CHRNB3: variants seen among roughly 807,000 people sequenced by gnomAD.
CHRNB3 encodes cholinergic receptor nicotinic beta 3 subunit, also known as neuronal acetylcholine receptor subunit beta-3.
Under a neutral mutation model 40.6 loss-of-function variants are expected in CHRNB3, and 37 were observed. The ratio of observed to expected loss-of-function variants is 0.91; its 90% confidence interval spans 0.70 to 1.20. The LOEUF (loss-of-function observed/expected upper bound fraction) is 1.20, where lower values mean the gene tolerates loss of function less well. Among genes scored for constraint, CHRNB3 ranks in the 50% most tolerant of loss-of-function variants. The pLI is 0.00. For synonymous variants in CHRNB3, 207 were observed against 207.1 expected (o/e 1.00, Z 0.00); for missense variants, 505 against 551.2 (o/e 0.92, Z 0.84).
intron 3 of CHRNB3, among the ~76,000 whole-genome samples, chr8:42,717,819 CT>C (rs71550406): frequency 0.028 from 2,797 of 100,296 alleles, 25 homozygotes; most frequent in African/African-American, 0.066. Context: ...CTTTCTCATC[CT>C]TTTTTTTTTT....
intron 1 of CHRNB3, among the ~76,000 whole-genome samples, chr8:42,703,009 TA>T (rs1815843539): frequency 1.3e-5 from 2 of 152,276 alleles, no homozygotes; most frequent in Middle Eastern, 3.4e-3. Flanking sequence ...TCTTCACCTG[TA>T]AAACAAGGGG....
intron 1 of CHRNB3, among the ~76,000 whole-genome samples, chr8:42,703,435 A>AAAAATATATATAT: frequency 1.1e-4 from 5 of 47,408 alleles, no homozygotes; most frequent in Admixed American, 4.6e-4. Flanking sequence ...AAAAAAAAAA[A>AAAAATATATATAT]ATATTTATAT....
chr8:42,707,599 G>A (rs766196127), intron 1 of CHRNB3, among the ~76,000 whole-genome samples: 115 of 152,274 alleles, frequency 7.6e-4, no homozygotes, highest in Non-Finnish European at 1.6e-3. Flanking sequence ...TGATAGCACG[G>A]CATTGTAAGG....
intron 3 of CHRNB3, among the ~76,000 whole-genome samples, chr8:42,724,291 C>A (rs969034020): frequency 9.2e-5 from 14 of 152,048 alleles, no homozygotes; most frequent in South Asian, 2.1e-4. Context: ...TTTACAAAAA[C>A]CCCCAACACC....
chr8:42,703,891 C>T (rs1302772177), intron 1 of CHRNB3, among the ~76,000 whole-genome samples: 1 of 152,170 alleles, frequency 6.6e-6, no homozygotes, highest in Non-Finnish European at 1.5e-5. Context: ...CCAGGCTTGT[C>T]CTCTAAGTCT....
At chr8:42,723,797 T>C (rs1385245659) in intron 3 of CHRNB3, among the ~76,000 whole-genome samples, 1 of 152,176 alleles carries the variant, frequency 6.6e-6, no homozygotes, top group Non-Finnish European at 1.5e-5. Context: ...ATATTTATTA[T>C]ATTTTAGTCC....
At chr8:42,704,649 TC>T (rs1362680255) in intron 1 of CHRNB3, among the ~76,000 whole-genome samples, 2 of 152,248 alleles carry the variant, frequency 1.3e-5, no homozygotes, top group Admixed American at 1.3e-4. Context: ...TGTCCAAAAT[TC>T]TCCCGGCTCA....
rs73675434 is a variant in CHRNB3, at chr8:42,711,065, G to A, written c.249+631G>A. Among the ~76,000 whole-genome samples, 337 of 152,318 alleles carry A rather than the reference G, an allele frequency of 2.2e-3. 2 individuals carry two copies. The highest frequency in any genetic ancestry group is 7.5e-3 in the African/African-American group (312 of 41,566). On this transcript the variant is annotated intron_variant, in intron 3 of 5. Transcript: ENST00000289957. ...TAGAGCTTATTTCCTAAAGTCAGGG[G>A]AGTGTGCCCAAAGGAGTTTGTTCTA...
Position 42,715,976 on chromosome 8 carries a change from C to CCTTTTTTTTTTTTTTTTTTTTTT in CHRNB3, c.249+5542_249+5543insCTTTTTTTTTTTTTTTTTTTTTT, listed in dbSNP as rs1554590400. Among the ~76,000 whole-genome samples the CCTTTTTTTTTTTTTTTTTTTTTT allele has an allele frequency of 2.4e-5, 3 of 124,176 alleles. 1 individual carries two copies. The highest frequency in any genetic ancestry group is 3.3e-5 in the Non-Finnish European group (2 of 59,800). The allele number at this position is 124,176 out of a possible 152,430, so 81.5% of individuals were successfully genotyped here. A position where few individuals can be genotyped will look rare whatever the true frequency, so the allele number is the denominator to read the frequency against. ...TAGAGACAATGAAAATTAAACTGAC[C>CCTTTTTTTTTTTTTTTTTTTTTT]TTTTTTTTTTTTTTTTTTTTGAGAT... On this transcript the variant is annotated intron_variant, in intron 3 of 5. Transcript: ENST00000289957.
chr8:42,724,822 T>C (rs1435925397), intron 3 of CHRNB3, among the ~76,000 whole-genome samples: 1 of 150,908 alleles, frequency 6.6e-6, no homozygotes, highest in Non-Finnish European at 1.5e-5. Flanking sequence ...CTACTAAAAA[T>C]ACAAAAAAAA....
intron 3 of CHRNB3, among the ~76,000 whole-genome samples, chr8:42,724,522 C>G (rs1478317448): frequency 6.6e-6 from 1 of 152,068 alleles, no homozygotes; most frequent in Non-Finnish European, 1.5e-5. Context: ...TCAATTATGT[C>G]CCTGGGGTTG....
At chr8:42,706,789 C>T (rs1396210257) in intron 1 of CHRNB3, among the ~76,000 whole-genome samples, 1 of 152,060 alleles carries the variant, frequency 6.6e-6, no homozygotes, top group Non-Finnish European at 1.5e-5. Flanking sequence ...GAGACAGGGT[C>T]TTGCTCTGTC....
chr8:42,724,413 T>A (rs989021670), intron 3 of CHRNB3, among the ~76,000 whole-genome samples: 2 of 152,102 alleles, frequency 1.3e-5, no homozygotes, highest in African/African-American at 2.4e-5. Flanking sequence ...TTTTGGAACA[T>A]AGACTCACAG....
chr8:42,719,260 T>A (rs1421529615), intron 3 of CHRNB3, among the ~76,000 whole-genome samples: 1 of 152,148 alleles, frequency 6.6e-6, no homozygotes, highest in East Asian at 1.9e-4. Context: ...CTCTGCCACT[T>A]GCAAATGTCC....
At chr8:42,729,179 G>A (rs1457911353) in intron 3 of CHRNB3, among the ~76,000 whole-genome samples, 3 of 151,986 alleles carry the variant, frequency 2.0e-5, no homozygotes, top group African/African-American at 2.4e-5. Flanking sequence ...AGGCCGAGGC[G>A]GGCAGATCAT....
Position 42,697,594 on chromosome 8 carries a change from C to T in CHRNB3, c.48C>T (p.Ser16=). The T allele has an allele frequency of 6.2e-7, 1 of 1,612,794 alleles. No individual in the cohort carries two copies. ...TTCTCATCGTCCTTGGCATCCCTTCCTCAGGTAAGCACAAGTCACAGTAAA... is the reference window on the plus strand; with the variant it reads ...TTCTCATCGTCCTTGGCATCCCTTCTTCAGGTAAGCACAAGTCACAGTAAA... ...MLVLIVLGIP[S]SATTGFNSIA... is the part of the protein sequence containing the mutation. Residue 16 remains serine, a synonymous_variant, in exon 1 of 6, where the codon TCC becomes TCT. Coordinates refer to ENST00000289957, the MANE Select transcript of CHRNB3 (RefSeq NM_000749.5).
intron 4 of CHRNB3, among the ~76,000 whole-genome samples, chr8:42,731,198 A>G (rs1232953161): frequency 6.6e-6 from 1 of 152,182 alleles, no homozygotes; most frequent in African/African-American, 2.4e-5. Context: ...TACTTAAAAG[A>G]AATATTCAAT....
Position 42,731,018 on chromosome 8 carries a change from G to A in CHRNB3, c.359+315G>A, listed in dbSNP as rs907203163. On this transcript the variant is annotated intron_variant, in intron 4 of 5. Transcript: ENST00000289957. ...AGCCGAGATTGCGCCACTGCAGTCC[G>A]CAGTCCGGCCTGGGCGACAGAGCGA... is the stretch of plus-strand genomic sequence containing the variant. Among the ~76,000 whole-genome samples, 9 of 135,816 alleles carry A rather than the reference G, an allele frequency of 6.6e-5. No homozygotes were observed. The East Asian group carries it at 9.8e-4, about 15-fold the overall frequency. The allele number at this position is 135,816 out of a possible 152,430, so 89.1% of individuals were successfully genotyped here. A position where few individuals can be genotyped will look rare whatever the true frequency, so the allele number is the denominator to read the frequency against.
intron 3 of CHRNB3, among the ~76,000 whole-genome samples, chr8:42,728,031 G>GA (rs1044757818): frequency 1.3e-5 from 2 of 151,906 alleles, no homozygotes; most frequent in African/African-American, 2.4e-5. Flanking sequence ...TTAGTAAAAG[G>GA]AAAAAAAGAC....
Sources: gnomAD v4.1 joint callset for allele counts (sites outside exome capture counted in the v4.1 genomes callset) on GRCh38, gnomAD v4.1.1 for gene constraint, MANE v1.5 for transcripts, NCBI Gene and HGNC (gene_info 2026-07-23, HGNC 2026-07-21) for gene names.